The following BICD1 variants were observed in gnomAD, a reference collection of about 807,000 sequenced individuals.
BICD1 encodes the protein BICD cargo adaptor 1, also known as protein bicaudal D homolog 1.
A neutral mutation model predicts 92.5 loss-of-function variants in BICD1; 35 were observed. That is an observed-to-expected ratio of 0.38 (90% CI 0.29 to 0.50). The LOEUF is 0.50. Ranked by LOEUF, BICD1 falls within the 20% of genes least tolerant of loss-of-function variation. BICD1 has a pLI of 0.93. For missense variants in BICD1, 950 were observed against 1,189.8 expected (o/e 0.80, Z 2.97); for synonymous variants, 429 against 465.1 (o/e 0.92, Z 1.00).
chr12:32,338,582 CT>C, intron 7 of BICD1: 2 of 452,924 alleles, frequency 4.4e-6, no homozygotes, highest in Non-Finnish European at 7.5e-6. Context: ...TGTAATAAAT[CT>C]TTTTTCCAGT....
At chr12:32,322,905 G>T (rs1355348609) in intron 4 of BICD1, among the ~76,000 whole-genome samples, 1 of 152,112 alleles carries the variant, frequency 6.6e-6, no homozygotes, top group Non-Finnish European at 1.5e-5. Flanking sequence ...TTTGAAGGGC[G>T]TTTTGGAAAC....
chr12:32,342,152 GTGTGTATATATATGTA>G (rs1938394591), intron 8 of BICD1, among the ~76,000 whole-genome samples: 1 of 143,926 alleles, frequency 6.9e-6, no homozygotes, highest in South Asian at 2.2e-4. Context: ...GTATATATAT[GTGTGTATATATATGTA>G]TATATATATG....
chr12:32,339,237 A>G lies in BICD1; in HGVS notation c.2764+258A>G, dbSNP rs539893740. ...GAAGGAATGGGATAGGTAAAGGGAA[A>G]TTAGCAACAAGCACAACGCACACAC... is the stretch of plus-strand genomic sequence containing the variant. On this transcript the variant is annotated intron_variant, in intron 8 of 9. Coordinates refer to ENST00000652176, the MANE Select transcript of BICD1 (RefSeq NM_001714.4). 24 of 1,187,802 alleles carry G rather than the reference A, an allele frequency of 2.0e-5. No homozygotes were observed. In the East Asian group the frequency reaches 6.9e-4, roughly 34 times the overall value. 73.6% of individuals were successfully genotyped at this position (1,187,802 alleles called of 1,614,324 possible).
intron 3 of BICD1, among the ~76,000 whole-genome samples, chr12:32,295,471 ATTCTTGTCCTC>A (rs1483335961): frequency 6.6e-6 from 1 of 152,056 alleles, no homozygotes; most frequent in Non-Finnish European, 1.5e-5. Context: ...ATAGGGCATG[ATTCTTGTCCTC>A]TGTAAACTTA....
intron 2 of BICD1, among the ~76,000 whole-genome samples, chr12:32,267,140 T>TA (rs1947018850): frequency 6.6e-6 from 1 of 152,212 alleles, no homozygotes; most frequent in Non-Finnish European, 1.5e-5. Context: ...TGATAGGTGT[T>TA]ACCATGCAAT....
At chr12:32,239,680 C>A (rs1173194073) in intron 2 of BICD1, among the ~76,000 whole-genome samples, 1 of 151,786 alleles carries the variant, frequency 6.6e-6, no homozygotes, top group Non-Finnish European at 1.5e-5. Flanking sequence ...ATGATCTCAG[C>A]TCACTGCAAC....
At chr12:32,249,495 C>A (rs1016196533) in intron 2 of BICD1, among the ~76,000 whole-genome samples, 16 of 152,140 alleles carry the variant, frequency 1.1e-4, no homozygotes, top group Admixed American at 5.2e-4. Flanking sequence ...GAAGAGAACT[C>A]CAGATCTGAT....
At chr12:32,376,115 C>T (rs139388386) in intron 9 of BICD1, among the ~76,000 whole-genome samples, 1,603 of 145,172 alleles carry the variant, frequency 0.011, 28 homozygotes, top group African/African-American at 0.039. Context: ...GACGGAGTCT[C>T]GCCCTGTTGC....
chr12:32,107,079 A>C lies in BICD1; in HGVS notation c.-253A>C. The C allele has an allele frequency of 2.0e-6, 1 of 495,502 alleles. No homozygotes were observed. The highest frequency in any genetic ancestry group is 2.3e-5 in the South Asian group (1 of 43,012). 30.7% of individuals were successfully genotyped at this position (495,502 alleles called of 1,614,324 possible). On this transcript the variant is annotated 5_prime_UTR_variant, in exon 1 of 10. Transcript: ENST00000652176. ...GCACGCAGGGGCCGGCCCCGAGGAC[A>C]CATGCGGCGGCCTTTGCCGCCTCGC...
At chr12:32,282,276 A>G (rs1035130547) in intron 2 of BICD1, among the ~76,000 whole-genome samples, 4 of 131,040 alleles carry the variant, frequency 3.1e-5, no homozygotes, top group African/African-American at 1.2e-4. Context: ...GCTGGAGTGC[A>G]GTGACATGGT....
intron 2 of BICD1, among the ~76,000 whole-genome samples, chr12:32,257,954 A>G (rs544425864): frequency 6.6e-6 from 1 of 152,272 alleles, no homozygotes; most frequent in Non-Finnish European, 1.5e-5. Context: ...TTGACGTTTC[A>G]GTTTCAGATA....
intron 1 of BICD1, among the ~76,000 whole-genome samples, chr12:32,164,255 TAATG>T (rs1185546015): frequency 6.6e-6 from 1 of 152,258 alleles, no homozygotes; most frequent in Non-Finnish European, 1.5e-5. Flanking sequence ...ATTATCCTGA[TAATG>T]TATAGAATGT....
At chr12:32,178,401 A>G (rs1944180436) in intron 1 of BICD1, among the ~76,000 whole-genome samples, 1 of 151,964 alleles carries the variant, frequency 6.6e-6, no homozygotes, top group African/African-American at 2.4e-5. Context: ...CCTGGAGAGT[A>G]CTTTGACAGG....
intron 7 of BICD1, 184 bp from the exon 8 acceptor site, chr12:32,338,601 AC>A (rs1288213375): frequency 1.1e-5 from 6 of 523,722 alleles, no homozygotes; most frequent in Non-Finnish European, 1.9e-5. Context: ...AGTATCCAGA[AC>A]AGTTTCCAAA....
At chr12:32,365,199 T>G (rs1447007058) in intron 8 of BICD1, among the ~76,000 whole-genome samples, 1 of 152,130 alleles carries the variant, frequency 6.6e-6, no homozygotes, top group Non-Finnish European at 1.5e-5. Context: ...ATTGTGCCAT[T>G]GCACTCCAGC....
chr12:32,281,062 AC>A (rs145852545), intron 2 of BICD1, among the ~76,000 whole-genome samples: 15,868 of 152,056 alleles, frequency 0.1, 990 homozygotes, highest in East Asian at 0.22. Context: ...TATTTCCCAA[AC>A]TTTTTTTTAG....
chr12:32,348,703 T>A (rs1015078119), intron 8 of BICD1, among the ~76,000 whole-genome samples: 30 of 95,382 alleles, frequency 3.1e-4, no homozygotes, highest in African/African-American at 1.3e-3. Flanking sequence ...CCCGAAATGA[T>A]GCTTTCTAGC....
chr12:32,204,346 C>CAAAAAA (rs35842294), intron 1 of BICD1, among the ~76,000 whole-genome samples: 1 of 132,086 alleles, frequency 7.6e-6, no homozygotes. Flanking sequence ...GAGACCCTGT[C>CAAAAAA]AAAAAAAAAA....
intron 5 of BICD1, chr12:32,332,912 A>G (rs1417139869): frequency 1.1e-5 from 11 of 985,314 alleles, no homozygotes; most frequent in Non-Finnish European, 1.3e-5. Context: ...AAGTGGTGAA[A>G]GCAGAAATCA....
Sources: allele counts gnomAD v4.1 joint callset (sites outside exome capture counted in the v4.1 genomes callset), GRCh38; gene constraint gnomAD v4.1.1; transcripts MANE v1.5; gene names NCBI Gene and HGNC (gene_info 2026-07-23, HGNC 2026-07-21).